The following GUCY1B1 variants were observed in gnomAD, a reference collection of about 807,000 sequenced individuals.
The protein encoded by GUCY1B1 is guanylate cyclase soluble subunit beta-1.
Under a neutral mutation model 71.0 loss-of-function variants are expected in GUCY1B1, and 43 were observed. That is an observed-to-expected ratio of 0.61 (90% CI 0.47 to 0.78). The LOEUF (loss-of-function observed/expected upper bound fraction) is 0.78. Ranked by LOEUF, GUCY1B1 falls within the 30% of genes least tolerant of loss-of-function variation. GUCY1B1 has a pLI of 0.00. For missense variants in GUCY1B1, 535 were observed against 754.1 expected, an observed-to-expected ratio of 0.71 and a Z score of 3.40; for synonymous variants, 266 against 259.7, an observed-to-expected ratio of 1.02 and a Z score of -0.23.
intron 2 of GUCY1B1, among the ~76,000 whole-genome samples, chr4:155,766,824 G>A (rs13107119): frequency 0.016 from 2,405 of 152,276 alleles, 37 homozygotes; most frequent in South Asian, 0.051. Context: ...GTAACTCAGT[G>A]TTTAGAATAC....
intron 2 of GUCY1B1, among the ~76,000 whole-genome samples, chr4:155,769,688 TAG>T (rs991773955): frequency 1.3e-5 from 2 of 152,248 alleles, no homozygotes; most frequent in Admixed American, 1.3e-4. Flanking sequence ...CCAATTTACT[TAG>T]AGTTTATATG....
At chr4:155,798,439 C>T (rs183017732) in intron 8 of GUCY1B1, among the ~76,000 whole-genome samples, 2 of 152,132 alleles carry the variant, frequency 1.3e-5, no homozygotes, top group Non-Finnish European at 1.5e-5. Flanking sequence ...TACCTTTGGC[C>T]GATGATCTGG....
intron 5 of GUCY1B1, among the ~76,000 whole-genome samples, chr4:155,791,281 AT>A (rs1440775477): frequency 1.3e-5 from 2 of 150,510 alleles, no homozygotes; most frequent in Non-Finnish European, 1.5e-5. Context: ...CGCCCGGCTA[AT>A]TTTTTTGTAT....
rs1348720286 is a variant in GUCY1B1 at position 155,803,726 on chromosome 4, A to G, written c.1516A>G (p.Ile506Val). ...ICHLALDMME[I>V]AGQVQVDGES... ...CCACCTGGCCTTGGACATGATGGAA[A>G]TTGCTGGCCAGGTTCAAGTAGATGG... is the stretch of plus-strand genomic sequence containing the variant. The change falls in exon 11 of 14, where the codon ATT becomes GTT. Residue 506 changes from isoleucine to valine, a missense_variant. By Grantham distance (29) the Ile-to-Val change is conservative (BLOSUM62 3). Coordinates refer to ENST00000264424, the MANE Select transcript of GUCY1B1 (RefSeq NM_000857.5). 6.2e-7 allele frequency: 1 copy of G among 1,600,610 alleles called. No individual in the cohort carries two copies. The highest frequency in any genetic ancestry group is 1.7e-5 in the Admixed American group (1 of 57,992).
chr4:155,786,457 CTTTCTTT>C (rs1312779825), intron 4 of GUCY1B1, among the ~76,000 whole-genome samples: 1 of 70,494 alleles, frequency 1.4e-5, no homozygotes, highest in Non-Finnish European at 2.8e-5. Flanking sequence ...TATTTTCTTT[CTTTCTTT>C]TTTTTTTTTT....
At position 155,777,564 on chromosome 4, in the gene GUCY1B1, GT is replaced by G. The variant is rs1248210629; in HGVS notation, c.224del (p.Phe75SerfsTer88). The G allele has an allele frequency of 6.2e-7, 1 of 1,609,490 alleles. No homozygotes were observed. The highest frequency in any genetic ancestry group is 8.5e-7 in the Non-Finnish European group (1 of 1,175,928). ...AAATCCTCCAAATGTTTGGGAAGATGTTTTTCGTCTTTTGCCAAGAATCTGG... is the reference window on the plus strand; with the variant it reads ...AAATCCTCCAAATGTTTGGGAAGATGTTTTCGTCTTTTGCCAAGAATCTGG... ...GEILQMFGKM[F>X]FVFCQESGYD... is the part of the protein sequence containing the mutation. On this transcript the variant is annotated frameshift_variant, in exon 4 of 14. Coordinates refer to ENST00000264424, the MANE Select transcript of GUCY1B1 (RefSeq NM_000857.5). LOFTEE classifies it high-confidence loss of function.
chr4:155,789,365 C>T (rs747598686), intron 4 of GUCY1B1, among the ~76,000 whole-genome samples: 10 of 152,222 alleles, frequency 6.6e-5, no homozygotes, highest in Non-Finnish European at 1.2e-4. Context: ...GATCACAACA[C>T]GTAGAAACAG....
intron 1 of GUCY1B1, 160 bp downstream of exon 1, chr4:155,759,303 A>T: frequency 1.5e-6 from 1 of 671,006 alleles, no homozygotes. Flanking sequence ...CAGTCAGGGG[A>T]GGTGGGAACG....
chr4:155,775,538 C>T (rs1737985728), intron 3 of GUCY1B1, among the ~76,000 whole-genome samples: 1 of 152,170 alleles, frequency 6.6e-6, no homozygotes, highest in African/African-American at 2.4e-5. Context: ...AAGTGATCTA[C>T]CTGGCTCAGC....
chr4:155,762,393 A>G (rs982064802), intron 2 of GUCY1B1, among the ~76,000 whole-genome samples: 14 of 152,322 alleles, frequency 9.2e-5, no homozygotes, highest in African/African-American at 3.4e-4. Context: ...TTGAGAAACT[A>G]TCTAAATTGA....
Position 155,774,954 on chromosome 4 carries a change from T to A in GUCY1B1, c.78-14T>A, listed in dbSNP as rs1374211884. On this transcript the variant is annotated splice_polypyrimidine_tract_variant and intron_variant, in intron 2 of 13. Transcript: ENST00000264424. ...CAACTTTTCTCTTCTGTCTTTCTTGTTTTTGTTTTCCAGAAAAGAGGCACA... is the reference window on the plus strand; with the variant it reads ...CAACTTTTCTCTTCTGTCTTTCTTGATTTTGTTTTCCAGAAAAGAGGCACA... 2.2e-6 allele frequency: 3 copies of A among 1,370,760 alleles called. No homozygotes were observed. In the East Asian group the frequency reaches 6.8e-5, roughly 31 times the overall value. The allele number at this position is 1,370,760 out of a possible 1,614,324, so 84.9% of individuals were successfully genotyped here. A position where few individuals can be genotyped will look rare whatever the true frequency, so the allele number is the denominator to read the frequency against.
intron 3 of GUCY1B1, among the ~76,000 whole-genome samples, chr4:155,775,998 G>T (rs1378191304): frequency 6.6e-6 from 1 of 152,060 alleles, no homozygotes; most frequent in African/African-American, 2.4e-5. Flanking sequence ...TTAAAAGATT[G>T]GTAAATGTTT....
chr4:155,799,145 A>G (rs17033553), intron 8 of GUCY1B1, among the ~76,000 whole-genome samples: 40,218 of 152,092 alleles, frequency 0.26, 5,660 homozygotes, highest in Middle Eastern at 0.39. Context: ...CTCAAAGAGT[A>G]CATTTTTAAA....
At chr4:155,769,679 C>T (rs2110998745) in intron 2 of GUCY1B1, among the ~76,000 whole-genome samples, 1 of 152,000 alleles carries the variant, frequency 6.6e-6, no homozygotes. Context: ...CAGTTTAATC[C>T]AATTTACTTA....
chr4:155,777,432 A>G lies in GUCY1B1; in HGVS notation c.179-92A>G, dbSNP rs1579210407. 11 of 734,702 alleles carry G rather than the reference A, an allele frequency of 1.5e-5. No individual in the cohort carries two copies. The East Asian group carries it at 2.9e-4, about 19-fold the overall frequency. The allele number at this position is 734,702 out of a possible 1,614,324, so 45.5% of individuals were successfully genotyped here. A position where few individuals can be genotyped will look rare whatever the true frequency, so the allele number is the denominator to read the frequency against. On this transcript the variant is annotated intron_variant, in intron 3 of 13. Coordinates refer to ENST00000264424, the MANE Select transcript of GUCY1B1 (RefSeq NM_000857.5). ...CATGCACAAAAATTGAAGACATTTT[A>G]CATTACTTAATAAACACTTATCTTC...
chr4:155,769,480 C>T (rs1254140870), intron 2 of GUCY1B1, among the ~76,000 whole-genome samples: 1 of 152,012 alleles, frequency 6.6e-6, no homozygotes, highest in Non-Finnish European at 1.5e-5. Context: ...CAAGCAGAGT[C>T]ATTGGGTATG....
intron 2 of GUCY1B1, among the ~76,000 whole-genome samples, chr4:155,769,152 A>G (rs758737665): frequency 2.6e-5 from 4 of 152,074 alleles, no homozygotes; most frequent in Admixed American, 6.6e-5. Context: ...ATTTTTGCAT[A>G]GGTTAATTCT....
chr4:155,795,435 C>T lies in GUCY1B1; in HGVS notation c.821C>T (p.Thr274Ile). The T allele has an allele frequency of 6.5e-7, 1 of 1,540,908 alleles. No individual in the cohort carries two copies. The highest frequency in any genetic ancestry group is 9.0e-7 in the Non-Finnish European group (1 of 1,114,350). Reference sequence around the variant, plus strand: ...CATGGGATCCTTTCTCACATCAATACTGTTTTTGTATTGAGAAGCAAGGTA... The same window carrying T: ...CATGGGATCCTTTCTCACATCAATATTGTTTTTGTATTGAGAAGCAAGGTA... ...SFHGILSHIN[T>I]VFVLRSKEGL... Residue 274 changes from threonine to isoleucine, a missense_variant, in exon 7 of 14, where the codon ACT becomes ATT. Coordinates refer to ENST00000264424, the MANE Select transcript of GUCY1B1 (RefSeq NM_000857.5).
Position 155,799,898 on chromosome 4 carries a change from G to T in GUCY1B1, c.999G>T (p.Leu333Phe). 6.2e-7 allele frequency: 1 copy of T among 1,611,308 alleles called. No homozygotes were observed. Among genetic ancestry groups the T allele is most frequent in the South Asian group, 1.1e-5 (1 of 90,858 alleles). ...CSPSVMNLDD[L>F]TRRGLYLSDI... Reference sequence around the variant, plus strand: ...ACAGTGTCATGAACCTGGACGATTTGACAAGGAGAGGGCTGTATCTAAGTG... The same window carrying T: ...ACAGTGTCATGAACCTGGACGATTTTACAAGGAGAGGGCTGTATCTAAGTG... The change falls in exon 9 of 14, where the codon TTG becomes TTT. Residue 333 changes from leucine to phenylalanine, a missense_variant. Physicochemically the swap from Leu to Phe is conservative, Grantham distance 22. Coordinates refer to ENST00000264424, the MANE Select transcript of GUCY1B1 (RefSeq NM_000857.5).
Sources: allele counts gnomAD v4.1 joint callset (sites outside exome capture counted in the v4.1 genomes callset), GRCh38; gene constraint gnomAD v4.1.1; transcripts MANE v1.5; gene names NCBI Gene and HGNC (gene_info 2026-07-23, HGNC 2026-07-21).